Variants in SPIRE2 observed in about 807,000 individuals in gnomAD.
SPIRE2 encodes the protein protein spire homolog 2.
A neutral mutation model predicts 80.7 loss-of-function variants in SPIRE2; 76 were observed. The ratio of observed to expected loss-of-function variants is 0.94; its 90% CI spans 0.78 to 1.14. SPIRE2 has a LOEUF of 1.14. Among genes scored for constraint, SPIRE2 ranks in the 50% most tolerant of loss-of-function variants. The pLI, the probability that SPIRE2 is intolerant of heterozygous loss-of-function variation, is 0.00. For missense variants in SPIRE2, 1,196 were observed against 1,015.3 expected (o/e 1.18, Z -2.42); for synonymous variants, 535 against 432.6 (o/e 1.24, Z -2.94).
chr16:89,840,554 C>A (rs187404773), intron 1 of SPIRE2, among the ~76,000 whole-genome samples: 2 of 151,136 alleles, frequency 1.3e-5, no homozygotes, highest in East Asian at 3.9e-4. Context: ...GGCCCAAATC[C>A]TTTCAAAGTT....
intron 9 of SPIRE2, among the ~76,000 whole-genome samples, chr16:89,860,114 G>A (rs1311069444): frequency 6.6e-6 from 1 of 152,208 alleles, no homozygotes. Flanking sequence ...GTGGACTGCA[G>A]GAGGAGGGTC....
At chr16:89,859,711 G>A (rs1278183724) in intron 9 of SPIRE2, among the ~76,000 whole-genome samples, 2 of 152,156 alleles carry the variant, frequency 1.3e-5, no homozygotes, top group East Asian at 1.9e-4. Flanking sequence ...GGAGCCGGCT[G>A]GGCTCGCAGC....
intron 1 of SPIRE2, among the ~76,000 whole-genome samples, chr16:89,834,640 C>T (rs1294795419): frequency 1.1e-5 from 1 of 91,196 alleles, no homozygotes; most frequent in Admixed American, 1.4e-4. Flanking sequence ...GTTGTAGAAG[C>T]CTGGATAAGC....
intron 12 of SPIRE2, among the ~76,000 whole-genome samples, chr16:89,865,735 A>G (rs58806053): frequency 0.74 from 112,603 of 151,766 alleles, 42,867 homozygotes; most frequent in East Asian, 1. Context: ...TTGGGAGGCC[A>G]ACGCTGGCAG....
At chr16:89,838,842 T>C (rs2041476151) in intron 1 of SPIRE2, among the ~76,000 whole-genome samples, 3 of 152,124 alleles carry the variant, frequency 2.0e-5, no homozygotes, top group Admixed American at 1.3e-4. Flanking sequence ...AGTGTGGGTC[T>C]TGGGTTTTCT....
Position 89,863,678 on chromosome 16 carries a change from G to T in SPIRE2, c.1710+68G>T, listed in dbSNP as rs2041764055. 6.2e-7 allele frequency: 1 copy of T among 1,613,014 alleles called. No individual in the cohort carries two copies. Among genetic ancestry groups the T allele is most frequent in the African/African-American group, 1.3e-5 (1 of 75,044 alleles). ...TCAGGGGCGGGTGCCGAGAGGGCCAGTTCCCAGGACTGTTTGCTCATGATC... is the reference window on the plus strand; with the variant it reads ...TCAGGGGCGGGTGCCGAGAGGGCCATTTCCCAGGACTGTTTGCTCATGATC... On this transcript the variant is annotated intron_variant, in intron 11 of 14. Coordinates refer to ENST00000378247, the MANE Select transcript of SPIRE2 (RefSeq NM_032451.2). The surrounding 1 kb of genome is among the most constrained non-coding windows in gnomAD (Gnocchi z 4.3).
At chr16:89,831,722 G>A (rs2041384904) in intron 1 of SPIRE2, among the ~76,000 whole-genome samples, 1 of 151,174 alleles carries the variant, frequency 6.6e-6, no homozygotes, top group Non-Finnish European at 1.5e-5. Context: ...TTCACAGGCA[G>A]GCCCCGCTCT....
Position 89,855,793 on chromosome 16 carries a change from G to T in SPIRE2, c.978+107G>T, listed in dbSNP as rs553584260. Reference sequence around the variant, plus strand: ...CGTCTTCCTGTGGCCAGCCTGGGAGGTGTCCCAGTGCGTCTGCGTCACGGG... The same window carrying T: ...CGTCTTCCTGTGGCCAGCCTGGGAGTTGTCCCAGTGCGTCTGCGTCACGGG... On this transcript the variant is annotated intron_variant, in intron 6 of 14. Coordinates refer to ENST00000378247, the MANE Select transcript of SPIRE2 (RefSeq NM_032451.2). The T allele has an allele frequency of 5.3e-6, 6 of 1,142,386 alleles. No homozygotes were observed. The South Asian group carries it at 8.2e-5, about 16-fold the overall frequency. The allele number at this position is 1,142,386 out of a possible 1,614,324, so 70.8% of individuals were successfully genotyped here.
chr16:89,859,192 AC>A lies in SPIRE2; in HGVS notation c.1301del (p.Thr434SerfsTer2), dbSNP rs752990008. On this transcript the variant is annotated frameshift_variant, in exon 9 of 15. Coordinates refer to ENST00000378247, the MANE Select transcript of SPIRE2 (RefSeq NM_032451.2). LOFTEE classifies it high-confidence loss of function. ...EEEESPCGEVTLKRDRSFSEH... is the reference protein window; with the variant it reads ...EEEESPCGEVXLKRDRSFSEH... ...AGAAGAGTCTCCGTGTGGGGAGGTGACGCTGAAACGGGACCGCTCCTTCTCA... is the reference window on the plus strand; with the variant it reads ...AGAAGAGTCTCCGTGTGGGGAGGTGAGCTGAAACGGGACCGCTCCTTCTCA... The A allele has an allele frequency of 6.3e-7, 1 of 1,595,262 alleles. No homozygotes were observed. The highest frequency in any genetic ancestry group is 2.3e-5 in the East Asian group (1 of 43,240).
At chr16:89,859,139 C>G in intron 8 of SPIRE2, 26 bp from the exon 9 acceptor site, 1 of 1,521,052 alleles carries the variant, frequency 6.6e-7, no homozygotes, top group South Asian at 1.2e-5. Flanking sequence ...ATTGTCAGGG[C>G]AGGGCCGCGT....
At chr16:89,860,032 C>A (rs541425846) in intron 9 of SPIRE2, among the ~76,000 whole-genome samples, 2 of 152,250 alleles carry the variant, frequency 1.3e-5, no homozygotes, top group Non-Finnish European at 2.9e-5. Context: ...CGGCCTCCCC[C>A]ACCTGGAGCT....
intron 1 of SPIRE2, among the ~76,000 whole-genome samples, chr16:89,829,196 C>T (rs1437879157): frequency 1.3e-5 from 2 of 152,180 alleles, no homozygotes; most frequent in African/African-American, 4.8e-5. Context: ...GAAGCGTCCC[C>T]TTGGGGCATT....
chr16:89,832,991 TC>T (rs150363640), intron 1 of SPIRE2, among the ~76,000 whole-genome samples: 95,205 of 144,620 alleles, frequency 0.66, 32,469 homozygotes, highest in East Asian at 0.98. Context: ...CCAGCTGATT[TC>T]TTTTTTTTTT....
intron 1 of SPIRE2, among the ~76,000 whole-genome samples, chr16:89,840,162 A>T (rs1198008394): frequency 6.6e-6 from 1 of 151,462 alleles, no homozygotes; most frequent in African/African-American, 2.4e-5. Context: ...GCAGTGTGGG[A>T]CGACCTTCCT....
At position 89,869,053 on chromosome 16, in the gene SPIRE2, A is replaced by AAACAAAC; in HGVS notation, c.1807-513_1807-512insACAAACA. 1.2e-3 allele frequency among the ~76,000 whole-genome samples: 28 copies of AAACAAAC among 24,014 alleles called. 1 individual carries two copies. The highest frequency in any genetic ancestry group is 4.1e-3 in the African/African-American group (25 of 6,082). The allele number at this position is 24,014 out of a possible 152,430, so 15.8% of individuals were successfully genotyped here. On this transcript the variant is annotated intron_variant, in intron 13 of 14. Transcript: ENST00000378247. ...TCTTAAAAAAAAAAAAAAAAAAAAAAATATATATATATATATATATATGTT... is the reference window on the plus strand; with the variant it reads ...TCTTAAAAAAAAAAAAAAAAAAAAAAAACAAACATATATATATATATATATATATGTT...
intron 7 of SPIRE2, among the ~76,000 whole-genome samples, 179 bp downstream of exon 7, chr16:89,856,415 G>C (rs1358687113): frequency 6.6e-6 from 1 of 152,020 alleles, no homozygotes; most frequent in Non-Finnish European, 1.5e-5. Flanking sequence ...ATTACTTGGG[G>C]ATAAAAAATT....
intron 1 of SPIRE2, among the ~76,000 whole-genome samples, chr16:89,840,525 G>T (rs1199168799): frequency 6.6e-6 from 1 of 150,838 alleles, no homozygotes; most frequent in African/African-American, 2.4e-5. Flanking sequence ...CTGGATTACA[G>T]GCATGAGCCA....
intron 13 of SPIRE2, among the ~76,000 whole-genome samples, chr16:89,869,072 A>ATATATATATATGTATG (rs67559135): frequency 3.0e-4 from 20 of 65,950 alleles, no homozygotes; most frequent in South Asian, 6.4e-4. Context: ...ATATATATAT[A>ATATATATATATGTATG]TATGTTACCC....
chr16:89,842,017 C>T (rs1274072627), intron 1 of SPIRE2, among the ~76,000 whole-genome samples: 12 of 152,000 alleles, frequency 7.9e-5, no homozygotes, highest in South Asian at 2.1e-4. Flanking sequence ...CGTGAGCCAC[C>T]GCACCCCACA....
Sources: gnomAD v4.1 joint callset for allele counts (sites outside exome capture counted in the v4.1 genomes callset) on GRCh38, gnomAD v4.1.1 for gene constraint, Gnocchi (gnomAD v3.1) non-coding constraint, MANE v1.5 for transcripts, NCBI Gene and HGNC (gene_info 2026-07-23, HGNC 2026-07-21) for gene names.